The following MID1 variants were observed in gnomAD, a reference collection of about 807,000 sequenced individuals.
The protein encoded by MID1 is E3 ubiquitin-protein ligase Midline-1.
Under a neutral mutation model 40.4 loss-of-function variants are expected in MID1, and 7 were observed. That is an observed-to-expected ratio of 0.17 (90% CI 0.10 to 0.33). The LOEUF is 0.33. MID1 is among the 10% of genes least tolerant of loss of function. The probability of loss-of-function intolerance (pLI) is 1.00; values close to 1 mark genes in which losing one functional copy is unlikely to be tolerated. For synonymous variants in MID1, 229 were observed against 221.2 expected (o/e 1.04, Z -0.31); for missense variants, 367 against 558.5 (o/e 0.66, Z 3.46).
chrX:10,623,083 C>CAAAAAAAAAAAAAAAA (rs763054366), upstream of MID1, among the ~76,000 whole-genome samples: 40 of 32,509 alleles, frequency 1.2e-3, 1 homozygote, highest in African/African-American at 2.1e-3. Context: ...GCTGTCTCTA[C>CAAAAAAAAAAAAAAAA]AAAAAAAAAA....
At chrX:10,812,084 G>A (rs2044106337) in intron 1 of MID1, among the ~76,000 whole-genome samples, 1 of 111,545 alleles carries the variant, frequency 9.0e-6, no homozygotes, top group Non-Finnish European at 1.9e-5. Flanking sequence ...AGAAATATCG[G>A]AACAAAGCAA....
intron 1 of MID1, among the ~76,000 whole-genome samples, chrX:10,730,293 G>A (rs895489808): frequency 9.1e-6 from 1 of 109,966 alleles, no homozygotes; most frequent in Non-Finnish European, 1.9e-5. Context: ...TAAGTGTATC[G>A]AAATAAAAAT....
At chrX:10,642,164 C>A (rs2147566370) in intron 1 of MID1, among the ~76,000 whole-genome samples, 1 of 111,504 alleles carries the variant, frequency 9.0e-6, no homozygotes, top group Non-Finnish European at 1.9e-5. Flanking sequence ...AAGTTCTGGC[C>A]AGGGCAATCA....
intron 9 of MID1, among the ~76,000 whole-genome samples, chrX:10,453,316 T>G (rs1602239354): frequency 8.9e-6 from 1 of 111,967 alleles, no homozygotes; most frequent in African/African-American, 3.3e-5. Context: ...ATTATTTGCA[T>G]AGGTTTGAAT....
Position 10,830,143 on chromosome X carries a change from G to A in MID1, c.-187+3411C>T, listed in dbSNP as rs1227661409. Among the ~76,000 whole-genome samples the A allele has an allele frequency of 2.7e-5, 3 of 112,416 alleles. No homozygotes were observed. In the East Asian group the frequency reaches 8.4e-4, roughly 31 times the overall value. On this transcript the variant is annotated intron_variant, in intron 1 of 10. Transcript: ENST00000380785. ...CATCTACCTGGCATTATCTGACATG[G>A]AGATCATCTGGTCAGTGAAAGCATG...
At chrX:10,597,177 A>G (rs889669745) in intron 1 of MID1, among the ~76,000 whole-genome samples, 3 of 111,735 alleles carry the variant, frequency 2.7e-5, no homozygotes, top group African/African-American at 9.8e-5. Context: ...CAAAACACCT[A>G]TAGAAGGATC....
intron 1 of MID1, among the ~76,000 whole-genome samples, chrX:10,581,005 G>A (rs953100586): frequency 2.8e-5 from 3 of 108,512 alleles, no homozygotes; most frequent in African/African-American, 1.0e-4. Flanking sequence ...TCCCAGCACT[G>A]TGGGAGGCCG....
At chrX:10,788,124 T>C (rs1477005632) in intron 1 of MID1, among the ~76,000 whole-genome samples, 2 of 112,055 alleles carry the variant, frequency 1.8e-5, no homozygotes, top group South Asian at 3.7e-4. Context: ...TTGAAGGAGA[T>C]ACAGATCAGA....
intron 2 of MID1, among the ~76,000 whole-genome samples, chrX:10,534,004 CT>C (rs58262166): frequency 0.3 from 31,762 of 104,346 alleles, 3,991 homozygotes; most frequent in Non-Finnish European, 0.38. Flanking sequence ...TTATCCTGGT[CT>C]TTTTTTTTTT....
rs753837778 is a variant in MID1, at chrX:10,553,275, T to A, written c.660+13613A>T. On this transcript the variant is annotated intron_variant, in intron 2 of 9. Coordinates refer to ENST00000317552, the MANE Select transcript of MID1 (RefSeq NM_000381.4). ...AAAAAAAAAAGAAATAAAAAAAATATATATATATATGTATACACACACACA... is the reference window on the plus strand; with the variant it reads ...AAAAAAAAAAGAAATAAAAAAAATAAATATATATATGTATACACACACACA... Among the ~76,000 whole-genome samples, 184 of 102,320 alleles carry A rather than the reference T, an allele frequency of 1.8e-3. 1 individual carries two copies. The highest frequency in any genetic ancestry group is 2.3e-3 in the Non-Finnish European group (119 of 51,774). 88.9% of individuals were successfully genotyped at this position (102,320 alleles called of 115,157 possible).
intron 1 of MID1, among the ~76,000 whole-genome samples, chrX:10,824,423 T>C (rs1309831848): frequency 1.8e-5 from 2 of 112,251 alleles, no homozygotes; most frequent in African/African-American, 6.5e-5. Context: ...AGTAACTATA[T>C]TCATGGACAA....
intron 5 of MID1, among the ~76,000 whole-genome samples, chrX:10,480,760 A>G (rs745393418): frequency 8.9e-6 from 1 of 111,782 alleles, no homozygotes; most frequent in Non-Finnish European, 1.9e-5. Flanking sequence ...GCCTTTTAGA[A>G]GAGATAAGTA....
chrX:10,462,231 T>C (rs1220272083), intron 7 of MID1, among the ~76,000 whole-genome samples: 1 of 112,304 alleles, frequency 8.9e-6, no homozygotes, highest in African/African-American at 3.2e-5. Context: ...TAGGTTTACC[T>C]TTATGTTATT....
rs73479270 is a variant in MID1 at position 10,564,183 on chromosome X, T to C, written c.660+2705A>G. Among the ~76,000 whole-genome samples the C allele has an allele frequency of 6.8e-3, 763 of 112,051 alleles. 8 individuals are homozygous for C. Among genetic ancestry groups the C allele is most frequent in the African/African-American group, 0.023 (722 of 30,922 alleles). The stretch of plus-strand genomic sequence containing the variant: ...ATGAGATCCTAGAGCTACAGAAAAA[T>C]GCATGTTCAGAGCACATTTCAGACC... On this transcript the variant is annotated intron_variant, in intron 2 of 9. Transcript: ENST00000317552.
intron 2 of MID1, among the ~76,000 whole-genome samples, chrX:10,537,458 C>A (rs1933303013): frequency 8.9e-6 from 1 of 112,149 alleles, no homozygotes. Flanking sequence ...TGATAGGACA[C>A]TCTGGGGAGG....
At chrX:10,577,082 C>T (rs1200216055) in intron 1 of MID1, 1 of 112,380 alleles carries the variant, frequency 8.9e-6, no homozygotes, top group Non-Finnish European at 1.9e-5. Context: ...CAATGTTCAA[C>T]TGAACCCAAA....
intron 1 of MID1, among the ~76,000 whole-genome samples, chrX:10,743,436 C>T (rs2043538700): frequency 8.9e-6 from 1 of 112,355 alleles, no homozygotes; most frequent in Non-Finnish European, 1.9e-5. Flanking sequence ...CAAGAGTCTA[C>T]GCTTCATGGG....
At chrX:10,830,472 T>A (rs1210971579) in intron 1 of MID1, among the ~76,000 whole-genome samples, 3 of 112,539 alleles carry the variant, frequency 2.7e-5, no homozygotes, top group South Asian at 7.3e-4. Flanking sequence ...GTAACAGGAA[T>A]TAATAATGCA....
chrX:10,537,217 G>C lies in MID1; in HGVS notation c.661-14030C>G, dbSNP rs191382335. Among the ~76,000 whole-genome samples, 230 of 111,389 alleles carry C rather than the reference G, an allele frequency of 2.1e-3. 2 individuals carry two copies. The highest frequency in any genetic ancestry group is 0.019 in the Admixed American group (196 of 10,458). On this transcript the variant is annotated intron_variant, in intron 2 of 9. Coordinates refer to ENST00000317552, the MANE Select transcript of MID1 (RefSeq NM_000381.4). ...AAAAAAAAATTAAGTGGTATTGAAAGGGGGAGAGGGCAACCAGCCAGCAGA... is the reference window on the plus strand; with the variant it reads ...AAAAAAAAATTAAGTGGTATTGAAACGGGGAGAGGGCAACCAGCCAGCAGA...
Sources: allele counts gnomAD v4.1 joint callset (sites outside exome capture counted in the v4.1 genomes callset), GRCh38; gene constraint gnomAD v4.1.1; transcripts MANE v1.5; gene names NCBI Gene and HGNC (gene_info 2026-07-23, HGNC 2026-07-21).